MAOA: variants seen among roughly 807,000 people sequenced by gnomAD.
The protein encoded by MAOA is monoamine oxidase A.
Under a neutral mutation model 42.0 loss-of-function variants are expected in MAOA, and 6 were observed. That is an observed-to-expected ratio of 0.14 (90% CI 0.08 to 0.28). The LOEUF is 0.28. Among genes scored for constraint, MAOA ranks in the 10% least tolerant of loss-of-function variants. The pLI is 1.00. For missense variants in MAOA, 262 were observed against 422.3 expected (o/e 0.62, Z 3.33); for synonymous variants, 140 against 154.0 (o/e 0.91, Z 0.67).
chrX:43,667,952 G>A (rs771453265), intron 1 of MAOA, among the ~76,000 whole-genome samples: 31 of 111,799 alleles, frequency 2.8e-4, no homozygotes, highest in Non-Finnish European at 5.5e-4. Context: ...GTATTTCAAA[G>A]AATGCCTCTA....
At chrX:43,742,164 G>T in intron 12 of MAOA, 117 bp downstream of exon 12, 1 of 1,093,898 alleles carries the variant, frequency 9.1e-7, no homozygotes, top group Non-Finnish European at 1.2e-6. Context: ...TTATGTCCTA[G>T]ATAATACTTG....
At chrX:43,690,809 T>C (rs1569193749) in intron 2 of MAOA, among the ~76,000 whole-genome samples, 1 of 111,346 alleles carries the variant, frequency 9.0e-6, no homozygotes, top group African/African-American at 3.3e-5. Flanking sequence ...TATAAAGTCG[T>C]GGATGCAGCT....
chrX:43,688,642 T>C (rs1182234133), intron 2 of MAOA, among the ~76,000 whole-genome samples: 2 of 112,473 alleles, frequency 1.8e-5, no homozygotes, highest in Admixed American at 1.9e-4. Context: ...AAAGATCTTC[T>C]AATTTCTGCT....
chrX:43,728,143 A>G (rs1394851798), intron 5 of MAOA, 30 bp from the exon 6 acceptor site: 13 of 1,199,097 alleles, frequency 1.1e-5, no homozygotes, highest in East Asian at 3.0e-5. Flanking sequence ...ACATATTGAC[A>G]CCTGACTTCC....
intron 5 of MAOA, among the ~76,000 whole-genome samples, chrX:43,716,731 G>T (rs1177787329): frequency 1.8e-5 from 2 of 110,165 alleles, no homozygotes; most frequent in Non-Finnish European, 3.8e-5. Context: ...TCCTAGGAAT[G>T]TGCCAAAAGG....
chrX:43,671,391 T>C (rs1256239017), intron 1 of MAOA, among the ~76,000 whole-genome samples: 20 of 112,463 alleles, frequency 1.8e-4, no homozygotes, highest in Non-Finnish European at 3.2e-4. Flanking sequence ...ATTCTGTAGG[T>C]TGCCTGTTCA....
chrX:43,700,611 T>C (rs1465464997), intron 3 of MAOA, among the ~76,000 whole-genome samples: 1 of 112,060 alleles, frequency 8.9e-6, no homozygotes, highest in Non-Finnish European at 1.9e-5. Flanking sequence ...GCCCCCAGTG[T>C]GTCCCAGTTA....
intron 1 of MAOA, among the ~76,000 whole-genome samples, chrX:43,671,854 T>A (rs2033339415): frequency 9.7e-6 from 1 of 103,587 alleles, no homozygotes; most frequent in African/African-American, 3.5e-5. Context: ...AGCCTTGTAG[T>A]ATAGTTTGAA....
intron 3 of MAOA, among the ~76,000 whole-genome samples, chrX:43,702,249 A>G (rs1341370750): frequency 8.9e-6 from 1 of 111,847 alleles, no homozygotes; most frequent in Non-Finnish European, 1.9e-5. Flanking sequence ...TTTCATTTCT[A>G]TGTCAAATTC....
At chrX:43,721,592 G>T (rs2033789171) in intron 5 of MAOA, among the ~76,000 whole-genome samples, 1 of 110,873 alleles carries the variant, frequency 9.0e-6, no homozygotes, top group African/African-American at 3.3e-5. Context: ...CAGGGCTGTG[G>T]CAATGAAGAT....
At chrX:43,660,518 C>T (rs781519644) in intron 1 of MAOA, among the ~76,000 whole-genome samples, 4 of 111,495 alleles carry the variant, frequency 3.6e-5, no homozygotes, top group East Asian at 5.7e-4. Flanking sequence ...CTCACCGCCT[C>T]GTGTCCTCAG....
chrX:43,710,019 G>A (rs1340963011), intron 3 of MAOA, among the ~76,000 whole-genome samples: 1 of 112,464 alleles, frequency 8.9e-6, no homozygotes, highest in Admixed American at 9.4e-5. Context: ...TAGGAGGCAG[G>A]AAAGCATGTT....
At chrX:43,659,971 A>G (rs2033219353) in intron 1 of MAOA, among the ~76,000 whole-genome samples, 1 of 111,094 alleles carries the variant, frequency 9.0e-6, no homozygotes. Flanking sequence ...ATTTTGTTAC[A>G]TGGATAGATT....
chrX:43,735,593 A>G (rs1457274517), intron 9 of MAOA, among the ~76,000 whole-genome samples: 4 of 112,603 alleles, frequency 3.6e-5, no homozygotes, highest in Non-Finnish European at 1.9e-5. Flanking sequence ...CAGAAGGATT[A>G]TGCGGAACTT....
At chrX:43,691,162 C>T (rs759644152) in intron 2 of MAOA, among the ~76,000 whole-genome samples, 8 of 110,763 alleles carry the variant, frequency 7.2e-5, no homozygotes, top group Admixed American at 2.9e-4. Context: ...GCAGGTGTAT[C>T]GCTTGAGCTT....
chrX:43,683,495 T>G lies in MAOA; in HGVS notation c.74-18T>G. 1 of 1,179,055 alleles carries G rather than the reference T, an allele frequency of 8.5e-7. No individual in the cohort carries two copies. The highest frequency in any genetic ancestry group is 1.8e-5 in the South Asian group (1 of 56,281). On this transcript the variant is annotated intron_variant, in intron 1 of 14. Coordinates refer to ENST00000338702, the MANE Select transcript of MAOA (RefSeq NM_000240.4). ...AAGCATTTGAATGTTACGTTGCTCT[T>G]TTTTGTTTTTCCTTTAGGACTATCT...
intron 1 of MAOA, among the ~76,000 whole-genome samples, chrX:43,679,771 G>A (rs902757158): frequency 2.1e-4 from 23 of 111,986 alleles, no homozygotes; most frequent in Non-Finnish European, 3.2e-4. Context: ...TTTTGCATCT[G>A]AGTTTCTCTG....
chrX:43,711,475 G>A (rs956714814), intron 3 of MAOA, among the ~76,000 whole-genome samples: 76 of 112,218 alleles, frequency 6.8e-4, no homozygotes, highest in African/African-American at 2.3e-3. Flanking sequence ...AGTCCTCCAC[G>A]TCATCATCCT....
intron 1 of MAOA, among the ~76,000 whole-genome samples, chrX:43,660,180 C>CTT (rs2147068634): frequency 9.0e-6 from 1 of 111,114 alleles, no homozygotes; most frequent in East Asian, 2.8e-4. Context: ...TGGTATTGGA[C>CTT]TTTCTATTTC....
Sources: allele counts gnomAD v4.1 joint callset (sites outside exome capture counted in the v4.1 genomes callset), GRCh38; gene constraint gnomAD v4.1.1; transcripts MANE v1.5; gene names NCBI Gene and HGNC (gene_info 2026-07-23, HGNC 2026-07-21).